Variants in SELENOI observed in about 807,000 individuals in gnomAD.
SELENOI encodes the protein selenoprotein I, also known as ethanolaminephosphotransferase 1.
Under a neutral mutation model 50.7 loss-of-function variants are expected in SELENOI, and 24 were observed. That is an observed-to-expected ratio of 0.47 (90% CI 0.34 to 0.67). SELENOI has a LOEUF of 0.67. Ranked by LOEUF, SELENOI falls within the 30% of genes least tolerant of loss-of-function variation. SELENOI has a pLI of 0.01. For synonymous variants in SELENOI, 155 were observed against 170.2 expected, an observed-to-expected ratio of 0.91 and a Z score of 0.70; for missense variants, 352 against 461.4, an observed-to-expected ratio of 0.76 and a Z score of 2.17.
chr2:26,384,894 C>T, intron 7 of SELENOI, 65 bp from the exon 8 acceptor site: 1 of 1,129,446 alleles, frequency 8.9e-7, no homozygotes, highest in Admixed American at 2.8e-5. Context: ...CTATAAACTA[C>T]AGTACAAGTA....
chr2:26,367,723 G>A (rs1431284089), intron 4 of SELENOI, among the ~76,000 whole-genome samples: 2 of 152,122 alleles, frequency 1.3e-5, no homozygotes, highest in Non-Finnish European at 2.9e-5. Context: ...GAACACAGTG[G>A]GAAAACAAAT....
Position 26,389,079 on chromosome 2 carries a change from G to A in SELENOI, c.1170G>A (p.Met390Ile). The change falls in exon 10 of 10, where the codon ATG (methionine) becomes ATA (isoleucine). Residue 390 changes from methionine to isoleucine, a missense_variant. Transcript: ENST00000260585. ...AACCAAACTCAGATTGACTAGGAAT[G>A]GAAGAAAAGAATATTGGCCTGTAAT... is the stretch of plus-strand genomic sequence containing the variant. ...LRKPNSDULG[M>I]EEKNIGL The A allele has an allele frequency of 6.3e-7, 1 of 1,581,408 alleles. No individual in the cohort carries two copies. Among genetic ancestry groups the A allele is most frequent in the South Asian group, 1.2e-5 (1 of 86,336 alleles).
At position 26,390,250 on chromosome 2, in the gene SELENOI, AGTT is replaced by A. The variant is rs1677934753; in HGVS notation, c.*1151_*1153del. 3.3e-5 allele frequency: 5 copies of A among 152,456 alleles called. No individual in the cohort carries two copies. The South Asian group carries it at 1.0e-3, about 32-fold the overall frequency. 9.4% of individuals were successfully genotyped at this position (152,456 alleles called of 1,614,324 possible). On this transcript the variant is annotated 3_prime_UTR_variant, in exon 10 of 10. Transcript: ENST00000260585. ...ATAAAAATCCCTTTAATTGTAGTGTAGTTGTTCTATAAACCATATTTTTTCATG... is the reference window on the plus strand; with the variant it reads ...ATAAAAATCCCTTTAATTGTAGTGTAGTTCTATAAACCATATTTTTTCATG...
intron 3 of SELENOI, 22 bp downstream of exon 3, chr2:26,364,962 A>T: frequency 6.7e-7 from 1 of 1,484,632 alleles, no homozygotes; most frequent in Non-Finnish European, 9.1e-7. Flanking sequence ...ACTTTATTAT[A>T]AAATTTAACT....
Position 26,391,636 on chromosome 2 carries a change from T to C in SELENOI, c.*2533T>C, listed in dbSNP as rs1677972405. 1 of 152,162 alleles carries C rather than the reference T, an allele frequency of 6.6e-6. No homozygotes were observed. 9.4% of individuals were successfully genotyped at this position (152,162 alleles called of 1,614,324 possible). ...TACTTTCAGAATAGAGTGCCTTAGC[T>C]AGGCCAGAGGCTCGTATTGTGTTTC... is the stretch of plus-strand genomic sequence containing the variant. On this transcript the variant is annotated 3_prime_UTR_variant, in exon 10 of 10. Transcript: ENST00000260585.
Position 26,367,185 on chromosome 2 carries a change from T to C in SELENOI, c.275T>C (p.Val92Ala), listed in dbSNP as rs573893859. 12 of 1,611,178 alleles carry C rather than the reference T, an allele frequency of 7.4e-6. No homozygotes were observed. The highest frequency in any genetic ancestry group is 1.7e-4 in the Middle Eastern group (1 of 6,056). Residue 92 changes from valine (V) to alanine (A), a missense_variant, in exon 4 of 10, where the codon GTA becomes GCA. Transcript: ENST00000260585. ...CACGTGCCTGACTGGGTTTGGATTG[T>C]AGTGGGCATCCTCAACTTCGTAGCC... ...HKHVPDWVWIVVGILNFVAYT... is the reference protein window; with the variant it reads ...HKHVPDWVWIAVGILNFVAYT...
chr2:26,348,996 C>CTTTTTTTTTTTTTTTTTTTTT (rs869073468), intron 1 of SELENOI, among the ~76,000 whole-genome samples: 1 of 57,690 alleles, frequency 1.7e-5, no homozygotes, highest in Non-Finnish European at 3.6e-5. Flanking sequence ...TTTGGACAGG[C>CTTTTTTTTTTTTTTTTTTTTT]TTTTTTTTTT....
At chr2:26,353,059 A>G (rs1369014032) in intron 1 of SELENOI, among the ~76,000 whole-genome samples, 1 of 152,222 alleles carries the variant, frequency 6.6e-6, no homozygotes, top group Admixed American at 6.5e-5. Flanking sequence ...TTGGCAGAAC[A>G]TGGTGACTGA....
intron 8 of SELENOI, among the ~76,000 whole-genome samples, 179 bp downstream of exon 8, chr2:26,385,318 C>T (rs1307521887): frequency 6.6e-6 from 1 of 152,032 alleles, no homozygotes; most frequent in Non-Finnish European, 1.5e-5. Context: ...TTATTTTGCC[C>T]TTTGAAACCA....
intron 1 of SELENOI, among the ~76,000 whole-genome samples, chr2:26,352,456 T>C (rs1676980009): frequency 6.6e-6 from 1 of 152,146 alleles, no homozygotes; most frequent in Non-Finnish European, 1.5e-5. Flanking sequence ...CCAACAGTTA[T>C]GTTTAATTTG....
rs536270990 is a variant in SELENOI, at chr2:26,363,896, A to G, written c.58-406A>G. On this transcript the variant is annotated intron_variant, in intron 1 of 9. Coordinates refer to ENST00000260585, the MANE Select transcript of SELENOI (RefSeq NM_033505.4). ...GCTGGGATTACAGGCGTGTGCCACC[A>G]TGGCCCAGCAAATTTTTGTATTTTT... Among the ~76,000 whole-genome samples, 28 of 152,106 alleles carry G rather than the reference A, an allele frequency of 1.8e-4. 1 individual carries two copies. The South Asian group carries it at 5.4e-3, about 29-fold the overall frequency.
At chr2:26,385,595 A>C (rs1649859931) in intron 8 of SELENOI, among the ~76,000 whole-genome samples, 2 of 152,234 alleles carry the variant, frequency 1.3e-5, no homozygotes, top group Non-Finnish European at 2.9e-5. Context: ...AATAAATAGA[A>C]CATATTCTTA....
chr2:26,351,431 C>T (rs1371587124), intron 1 of SELENOI, among the ~76,000 whole-genome samples: 1 of 152,180 alleles, frequency 6.6e-6, no homozygotes, highest in Non-Finnish European at 1.5e-5. Context: ...GAGAGAATAT[C>T]ATAGCACTTT....
chr2:26,361,150 C>T (rs1158671326), intron 1 of SELENOI, among the ~76,000 whole-genome samples: 1 of 152,144 alleles, frequency 6.6e-6, no homozygotes, highest in East Asian at 1.9e-4. Flanking sequence ...GGAGGCGGAG[C>T]TTGCAGTGAG....
chr2:26,360,441 A>C (rs533573259), intron 1 of SELENOI, among the ~76,000 whole-genome samples: 94 of 152,334 alleles, frequency 6.2e-4, no homozygotes, highest in African/African-American at 2.2e-3. Flanking sequence ...TTTCATGTTA[A>C]AGCTTCAGAA....
At position 26,351,045 on chromosome 2, in the gene SELENOI, CTGTT is replaced by C. The variant is rs1484241994; in HGVS notation, c.57+4766_57+4769del. On this transcript the variant is annotated intron_variant, in intron 1 of 9. Coordinates refer to ENST00000260585, the MANE Select transcript of SELENOI (RefSeq NM_033505.4). ...AGTGCAGTAGAGAATTGGTTGTTCA[CTGTT>C]TGTTTGTTTTTTTTTTTTTTTTTTT... Among the ~76,000 whole-genome samples the C allele has an allele frequency of 8.2e-4, 119 of 145,812 alleles. 3 individuals carry two copies. Among genetic ancestry groups the C allele is most frequent in the African/African-American group, 1.9e-3 (74 of 39,782 alleles).
At chr2:26,355,523 C>T (rs968353314) in intron 1 of SELENOI, among the ~76,000 whole-genome samples, 2 of 152,320 alleles carry the variant, frequency 1.3e-5, no homozygotes, top group East Asian at 1.9e-4. Flanking sequence ...GCCATATCTT[C>T]TCATCTTGTT....
intron 7 of SELENOI, among the ~76,000 whole-genome samples, chr2:26,384,297 T>TA (rs1677793859): frequency 6.6e-6 from 1 of 152,242 alleles, no homozygotes; most frequent in Non-Finnish European, 1.5e-5. Context: ...CCATACAGTT[T>TA]AAAGCTCTGA....
At chr2:26,371,596 C>T (rs564352777) in intron 4 of SELENOI, among the ~76,000 whole-genome samples, 13 of 151,556 alleles carry the variant, frequency 8.6e-5, no homozygotes, top group African/African-American at 2.7e-4. Flanking sequence ...AACCAGACTC[C>T]GTCTGCAATC....
Sources: allele counts gnomAD v4.1 joint callset (sites outside exome capture counted in the v4.1 genomes callset), GRCh38; gene constraint gnomAD v4.1.1; transcripts MANE v1.5; gene names NCBI Gene and HGNC (gene_info 2026-07-23, HGNC 2026-07-21).